Variants in MDN1 observed in about 807,000 individuals in gnomAD.
MDN1 encodes the protein midasin.
In MDN1, 266 loss-of-function variants were observed where a neutral mutation model predicts 669.2. That is an observed-to-expected ratio of 0.40 (90% confidence interval 0.36 to 0.44). The LOEUF is 0.44. Among genes scored for constraint, MDN1 ranks in the 20% least tolerant of loss-of-function variants. The probability of loss-of-function intolerance (pLI) is 1.00; values close to 1 mark genes in which losing one functional copy is unlikely to be tolerated. For missense variants in MDN1, 5,940 were observed against 6,754.0 expected (o/e 0.88, Z 4.22); for synonymous variants, 2,385 against 2,457.1 (o/e 0.97, Z 0.87).
intron 59 of MDN1, among the ~76,000 whole-genome samples, chr6:89,697,520 C>T (rs1333215037): frequency 6.6e-6 from 1 of 150,978 alleles, no homozygotes; most frequent in Non-Finnish European, 1.5e-5. Flanking sequence ...TCATATTGGG[C>T]AAAGGCTTAA....
intron 1 of MDN1, among the ~76,000 whole-genome samples, chr6:89,819,048 T>C (rs759395181): frequency 6.6e-6 from 1 of 152,282 alleles, no homozygotes; most frequent in Non-Finnish European, 1.5e-5. Context: ...CTATCCACTT[T>C]CTCACAGCGC....
chr6:89,644,310 T>A, intron 101 of MDN1, 117 bp from the exon 102 acceptor site: 1 of 772,102 alleles, frequency 1.3e-6, no homozygotes, highest in Non-Finnish European at 2.0e-6. Flanking sequence ...TTCCTGCATA[T>A]GAACCTACCT....
rs768978876 is a variant in MDN1 at position 89,695,451 on chromosome 6, T to C, written c.9771+154A>G. On this transcript the variant is annotated intron_variant, in intron 61 of 101. Coordinates refer to ENST00000369393, the MANE Select transcript of MDN1 (RefSeq NM_014611.3). The surrounding 1 kb of genome is among the most constrained non-coding windows in gnomAD (Gnocchi z 4.1). Reference sequence around the variant, plus strand: ...AACTCTCAAAGGGGAAAATACAGTCTCTAAAACAGACTCCTGGGAAGTCAT... The same window carrying C: ...AACTCTCAAAGGGGAAAATACAGTCCCTAAAACAGACTCCTGGGAAGTCAT... Among the ~76,000 whole-genome samples the C allele has an allele frequency of 6.6e-6, 1 of 152,084 alleles. No individual in the cohort carries two copies. Among genetic ancestry groups the C allele is most frequent in the African/African-American group, 2.4e-5 (1 of 41,408 alleles).
At position 89,645,174 on chromosome 6, in the gene MDN1, A is replaced by T; in HGVS notation, c.16460-17T>A. The stretch of plus-strand genomic sequence containing the variant: ...GTGCAGTTTCTGTAGACCATATAAG[A>T]CGAAGCAAGGGAATAAAATGAACAG... On this transcript the variant is annotated splice_polypyrimidine_tract_variant and intron_variant, in intron 100 of 101. Coordinates refer to ENST00000369393, the MANE Select transcript of MDN1 (RefSeq NM_014611.3). The T allele has an allele frequency of 6.3e-7, 1 of 1,575,822 alleles. No homozygotes were observed. Among genetic ancestry groups the T allele is most frequent in the Non-Finnish European group, 8.7e-7 (1 of 1,151,240 alleles).
In MDN1 at chr6:89,753,641, T is replaced by A. The variant is rs1189234611; in HGVS notation, c.2965-19A>T. 6.4e-7 allele frequency: 1 copy of A among 1,554,684 alleles called. No individual in the cohort carries two copies. Among genetic ancestry groups the A allele is most frequent in the East Asian group, 2.2e-5 (1 of 44,586 alleles). On this transcript the variant is annotated intron_variant, in intron 21 of 101. Coordinates refer to ENST00000369393, the MANE Select transcript of MDN1 (RefSeq NM_014611.3). ...AAAAACCCTAGAAAGAAAAGACAAA[T>A]ATGCATAATGCTAAATAACCTTCTG...
Position 89,697,183 on chromosome 6 carries a change from A to G in MDN1, c.9169-609T>C, listed in dbSNP as rs368401083. Reference sequence around the variant, plus strand: ...CATTTGGGGCAATAAGGCATTTCACATGAGAGTGGAAAGGAGGAATTAGTC... The same window carrying G: ...CATTTGGGGCAATAAGGCATTTCACGTGAGAGTGGAAAGGAGGAATTAGTC... On this transcript the variant is annotated intron_variant, in intron 59 of 101. Coordinates refer to ENST00000369393, the MANE Select transcript of MDN1 (RefSeq NM_014611.3). Among the ~76,000 whole-genome samples, 600 of 152,362 alleles carry G rather than the reference A, an allele frequency of 3.9e-3. 4 individuals carry two copies. Among genetic ancestry groups the G allele is most frequent in the Non-Finnish European group, 6.2e-3 (422 of 68,034 alleles).
chr6:89,722,663 T>G (rs1038406966), intron 40 of MDN1, among the ~76,000 whole-genome samples: 2 of 151,922 alleles, frequency 1.3e-5, no homozygotes, highest in Admixed American at 1.3e-4. Flanking sequence ...GCCTGACCAA[T>G]ATGGTGAAAC....
At chr6:89,811,588 G>A (rs970178466) in intron 1 of MDN1, among the ~76,000 whole-genome samples, 2 of 152,048 alleles carry the variant, frequency 1.3e-5, no homozygotes, top group African/African-American at 2.4e-5. Context: ...TGGGACTACA[G>A]GAGTGTGCCA....
At chr6:89,817,744 T>C (rs932024064) in intron 1 of MDN1, among the ~76,000 whole-genome samples, 1 of 152,218 alleles carries the variant, frequency 6.6e-6, no homozygotes, top group Non-Finnish European at 1.5e-5. Context: ...GGCAGTTTAG[T>C]GTTGCTGAAA....
intron 59 of MDN1, among the ~76,000 whole-genome samples, chr6:89,697,586 T>G (rs1432292732): frequency 6.8e-6 from 1 of 147,006 alleles, no homozygotes; most frequent in African/African-American, 2.5e-5. Flanking sequence ...ACAACCCTAT[T>G]TTTTTTTTTT....
Position 89,643,043 on chromosome 6 carries a change from CAAG to C in MDN1, c.*959_*961del, listed in dbSNP as rs1163588739. 1.3e-5 allele frequency: 2 copies of C among 152,134 alleles called. No individual in the cohort carries two copies. Among genetic ancestry groups the C allele is most frequent in the Non-Finnish European group, 2.9e-5 (2 of 68,024 alleles). The allele number at this position is 152,134 out of a possible 1,614,324, so 9.4% of individuals were successfully genotyped here. A position where few individuals can be genotyped will look rare whatever the true frequency, so the allele number is the denominator to read the frequency against. On this transcript the variant is annotated 3_prime_UTR_variant, in exon 102 of 102. Coordinates refer to ENST00000369393, the MANE Select transcript of MDN1 (RefSeq NM_014611.3). ...TTAAGTAGAACAGAGCACACAGTTTCAAGTATTCAGCACTGCTTTCTGGCCAAG... is the reference window on the plus strand; with the variant it reads ...TTAAGTAGAACAGAGCACACAGTTTCTATTCAGCACTGCTTTCTGGCCAAG...
At chr6:89,656,610 CTTTTTTT>C (rs35227833) in intron 91 of MDN1, 83 bp downstream of exon 91, 1 of 704,860 alleles carries the variant, frequency 1.4e-6, no homozygotes, top group Non-Finnish European at 2.2e-6. Context: ...AGGAGTATAG[CTTTTTTT>C]TTTTTTTTTT....
rs374472822 is a variant in MDN1 at position 89,726,797 on chromosome 6, A to G, written c.5472+1036T>C. On this transcript the variant is annotated intron_variant, in intron 37 of 101. Coordinates refer to ENST00000369393, the MANE Select transcript of MDN1 (RefSeq NM_014611.3). The stretch of plus-strand genomic sequence containing the variant: ...CATAGAAAAAGGAGATCGGGAAAAT[A>G]CAAGTTATTAAAATGCAAACAGGCA... 3.9e-4 allele frequency among the ~76,000 whole-genome samples: 60 copies of G among 152,358 alleles called. 1 individual carries two copies. In the South Asian group the frequency reaches 9.1e-3, roughly 23 times the overall value.
In MDN1 at chr6:89,714,742, G is replaced by A. The variant is rs769179234; in HGVS notation, c.6870C>T (p.Leu2290=). 1 of 1,607,588 alleles carries A rather than the reference G, an allele frequency of 6.2e-7. No homozygotes were observed. Among genetic ancestry groups the A allele is most frequent in the East Asian group, 2.2e-5 (1 of 44,800 alleles). ...ITPNPNFRLF[L]SMDPVHGDIS... ...TATCTCCATGAACAGGATCCATCGA[G>A]AGGAAAAGTCTAGAAAAATAGCAAT... is the stretch of plus-strand genomic sequence containing the variant. Residue 2290 remains leucine (L), a synonymous_variant, in exon 46 of 102, where the codon CTC becomes CTT. Transcript: ENST00000369393.
chr6:89,814,983 C>T (rs757834741), intron 1 of MDN1: 3 of 590,250 alleles, frequency 5.1e-6, no homozygotes, highest in Admixed American at 2.7e-5. Context: ...TCCAGGAGTC[C>T]TGCCAAAGTA....
In MDN1 at chr6:89,658,283, C is replaced by T. The variant is rs771559557; in HGVS notation, c.15109G>A (p.Gly5037Ser). The change falls in exon 90 of 102, where the codon GGT becomes AGT. Residue 5037 changes from glycine (G) to serine (S), a missense_variant. Coordinates refer to ENST00000369393, the MANE Select transcript of MDN1 (RefSeq NM_014611.3). ...RKEHASCGQT[G>S]VENMQNTQAM... ...TGTGTGTTCTGCATGTTCTCCACAC[C>T]AGTCTGCCCACAGGAGGCATGCTCC... 4.0e-5 allele frequency: 65 copies of T among 1,614,204 alleles called. No homozygotes were observed. The highest frequency in any genetic ancestry group is 2.3e-4 in the South Asian group (21 of 91,090).
At chr6:89,755,769 C>T (rs995374613) in intron 20 of MDN1, among the ~76,000 whole-genome samples, 4 of 152,108 alleles carry the variant, frequency 2.6e-5, no homozygotes, top group Non-Finnish European at 5.9e-5. Flanking sequence ...GCATGTTGTC[C>T]ATATGGCATA....
At chr6:89,771,444 T>C (rs761570515) in intron 15 of MDN1, 117 bp downstream of exon 15, 1 of 864,552 alleles carries the variant, frequency 1.2e-6, no homozygotes, top group Non-Finnish European at 1.8e-6. Flanking sequence ...CTGAGAAAAC[T>C]CTTTTTCTAT....
chr6:89,690,625 G>A, intron 64 of MDN1, 48 bp downstream of exon 64: 1 of 1,601,990 alleles, frequency 6.2e-7, no homozygotes, highest in Admixed American at 1.7e-5. Flanking sequence ...AATGTATATG[G>A]CATCAAGGGA....
Sources: allele counts gnomAD v4.1 joint callset (sites outside exome capture counted in the v4.1 genomes callset), GRCh38; gene constraint gnomAD v4.1.1; non-coding constraint Gnocchi (gnomAD v3.1); transcripts MANE v1.5; gene names NCBI Gene and HGNC (gene_info 2026-07-23, HGNC 2026-07-21).